The following RERE variants were observed in gnomAD, a reference collection of about 807,000 sequenced individuals.
The protein encoded by RERE is arginine-glutamic acid dipeptide repeats, also known as arginine-glutamic acid dipeptide repeats protein.
In RERE, 40 loss-of-function variants were observed where a neutral mutation model predicts 146.1. The observed-to-expected ratio is 0.27, with a 90% CI of 0.21 to 0.36. The LOEUF is 0.36. Among genes scored for constraint, RERE ranks in the 10% least tolerant of loss-of-function variants. The pLI, the probability that RERE is intolerant of heterozygous loss-of-function variation, is 1.00. For synonymous variants in RERE, 1,003 were observed against 866.0 expected (o/e 1.16, Z -2.78); for missense variants, 1,933 against 2,138.7 (o/e 0.90, Z 1.90).
At chr1:8,510,446 T>C (rs1222798210) in intron 7 of RERE, among the ~76,000 whole-genome samples, 1 of 152,184 alleles carries the variant, frequency 6.6e-6, no homozygotes, top group East Asian at 1.9e-4. Flanking sequence ...GTCATCTTCA[T>C]TTCTTCATTA....
intron 7 of RERE, among the ~76,000 whole-genome samples, chr1:8,531,775 G>A (rs1645657592): frequency 6.6e-6 from 1 of 152,150 alleles, no homozygotes; most frequent in South Asian, 2.1e-4. Context: ...TTATTACAGA[G>A]CGTTGAATTT....
intron 11 of RERE, among the ~76,000 whole-genome samples, chr1:8,456,002 T>C (rs1644448886): frequency 6.6e-6 from 1 of 152,110 alleles, no homozygotes; most frequent in South Asian, 2.1e-4. Flanking sequence ...GGCCCAGCAT[T>C]CTAGTTAGTC....
Position 8,352,593 on chromosome 1 carries a change from C to A in RERE, c.*2494G>T, listed in dbSNP as rs1014358581. On this transcript the variant is annotated 3_prime_UTR_variant, in exon 23 of 23. Coordinates refer to ENST00000400908, the MANE Select transcript of RERE (RefSeq NM_001042681.2). ...GAAACGTAGCAAATCCGAGTGTGCA[C>A]GCTGCCTCTGCCGCAGTGGAGTGAA... The A allele has an allele frequency of 6.6e-6, 1 of 152,340 alleles. No homozygotes were observed. The highest frequency in any genetic ancestry group is 2.4e-5 in the African/African-American group (1 of 41,422). The allele number at this position is 152,340 out of a possible 1,614,324, so 9.4% of individuals were successfully genotyped here.
intron 1 of RERE, among the ~76,000 whole-genome samples, chr1:8,713,995 A>C (rs1639717390): frequency 6.6e-6 from 1 of 152,200 alleles, no homozygotes; most frequent in Non-Finnish European, 1.5e-5. Flanking sequence ...TACACATAGC[A>C]CATGAATTTA....
intron 1 of RERE, among the ~76,000 whole-genome samples, chr1:8,760,896 T>G (rs1640745020): frequency 6.6e-6 from 1 of 152,178 alleles, no homozygotes; most frequent in South Asian, 2.1e-4. Context: ...ATGTTCCATG[T>G]GCCAGGCTAA....
At chr1:8,761,810 T>G (rs1640761308) in intron 1 of RERE, among the ~76,000 whole-genome samples, 1 of 151,978 alleles carries the variant, frequency 6.6e-6, no homozygotes, top group African/African-American at 2.4e-5. Context: ...TAATCCCAGC[T>G]ACTCGGAAGG....
At chr1:8,524,537 G>A (rs373047309) in intron 7 of RERE, among the ~76,000 whole-genome samples, 5 of 152,110 alleles carry the variant, frequency 3.3e-5, no homozygotes. Flanking sequence ...TCCTATGAGG[G>A]TTTTTCAGTT....
intron 2 of RERE, among the ~76,000 whole-genome samples, chr1:8,629,043 C>T (rs1191754707): frequency 6.6e-6 from 1 of 152,146 alleles, no homozygotes; most frequent in Non-Finnish European, 1.5e-5. Context: ...TGTAAAAACA[C>T]GTATTTACCA....
chr1:8,596,709 C>G (rs1409964321), intron 4 of RERE, among the ~76,000 whole-genome samples: 1 of 139,982 alleles, frequency 7.1e-6, no homozygotes, highest in Non-Finnish European at 1.5e-5. Context: ...CAAGGTCTTG[C>G]TAAGTTGCCA....
intron 3 of RERE, among the ~76,000 whole-genome samples, chr1:8,622,469 T>C (rs1415908048): frequency 1.7e-4 from 22 of 129,630 alleles, no homozygotes; most frequent in Non-Finnish European, 2.6e-4. Context: ...ATTTCAGGTG[T>C]CAGTGCTGTA....
chr1:8,547,405 T>G (rs1189064153), intron 6 of RERE, among the ~76,000 whole-genome samples: 1 of 152,026 alleles, frequency 6.6e-6, no homozygotes, highest in Non-Finnish European at 1.5e-5. Flanking sequence ...AATAAAAGAC[T>G]GATAAATTTG....
chr1:8,539,672 G>T (rs993481186), intron 7 of RERE, among the ~76,000 whole-genome samples: 2 of 152,122 alleles, frequency 1.3e-5, no homozygotes, highest in African/African-American at 4.8e-5. Context: ...CAAAGTGCTG[G>T]GATTACAGGC....
At position 8,387,069 on chromosome 1, in the gene RERE, C is replaced by T. The variant is rs959484918; in HGVS notation, c.1285-21095G>A. ...TGAAAAACAAGAAAAAGGTAGGGGACCTGCTAAGTCAACTATCAACAATTA... is the reference window on the plus strand; with the variant it reads ...TGAAAAACAAGAAAAAGGTAGGGGATCTGCTAAGTCAACTATCAACAATTA... On this transcript the variant is annotated intron_variant, in intron 12 of 22. Transcript: ENST00000400908. Among the ~76,000 whole-genome samples the T allele has an allele frequency of 7.2e-5, 11 of 152,258 alleles. No individual in the cohort carries two copies. The East Asian group carries it at 7.7e-4, about 11-fold the overall frequency.
In RERE at chr1:8,360,632, T is replaced by C. The variant is rs751542034; in HGVS notation, c.2875A>G (p.Met959Val). 9 of 1,487,356 alleles carry C rather than the reference T, an allele frequency of 6.1e-6. No individual in the cohort carries two copies. The highest frequency in any genetic ancestry group is 8.0e-6 in the Non-Finnish European group (9 of 1,124,546). The allele number at this position is 1,487,356 out of a possible 1,614,324, so 92.1% of individuals were successfully genotyped here. A position where few individuals can be genotyped will look rare whatever the true frequency, so the allele number is the denominator to read the frequency against. The change falls in exon 18 of 23, where the codon ATG becomes GTG. Residue 959 changes from methionine (M) to valine (V), a missense_variant. Around this residue, in one of 11 missense-constraint regions of RERE, gnomAD observed 1,255 missense variants for 1,153.8 expected, o/e 1.09. Transcript: ENST00000400908. The part of the protein sequence containing the change: ...PHLSGPSPFS[M>V]NANLPPPPAL... Reference sequence around the variant, plus strand: ...GGAGGGGGAGGCAGGTTGGCATTCATGGAGAAGGGTGAGGGCCCCGAGAGG... The same window carrying C: ...GGAGGGGGAGGCAGGTTGGCATTCACGGAGAAGGGTGAGGGCCCCGAGAGG...
At chr1:8,624,429 A>G (rs1646950967) in intron 2 of RERE, 49 bp from the exon 3 acceptor site, 3 of 1,213,224 alleles carry the variant, frequency 2.5e-6, no homozygotes, top group Non-Finnish European at 3.7e-6. Context: ...CCTTTAAGGA[A>G]CAAAGACAGG....
intron 7 of RERE, among the ~76,000 whole-genome samples, chr1:8,538,058 C>T (rs1409543464): frequency 6.6e-6 from 1 of 152,204 alleles, no homozygotes; most frequent in Admixed American, 6.5e-5. Context: ...CTTTCAACTG[C>T]TCACTTAAAG....
intron 8 of RERE, among the ~76,000 whole-genome samples, chr1:8,500,688 G>A (rs989699702): frequency 2.0e-5 from 3 of 151,796 alleles, no homozygotes; most frequent in African/African-American, 7.3e-5. Flanking sequence ...GGGATATGAG[G>A]AGCCTCTCTG....
At chr1:8,668,950 GTGTGTGTGTGTGT>G (rs1638643014) in intron 1 of RERE, among the ~76,000 whole-genome samples, 1 of 54,508 alleles carries the variant, frequency 1.8e-5, no homozygotes, top group African/African-American at 7.3e-5. Context: ...GTGTGTGTGT[GTGTGTGTGTGTGT>G]TGTGTTTTTA....
chr1:8,462,108 A>G (rs140957317), intron 11 of RERE, among the ~76,000 whole-genome samples: 85 of 152,298 alleles, frequency 5.6e-4, no homozygotes, highest in African/African-American at 1.7e-3. Flanking sequence ...GAGGCATGTA[A>G]AAGTTTTTCT....
Sources: allele counts gnomAD v4.1 joint callset (sites outside exome capture counted in the v4.1 genomes callset), GRCh38; gene constraint gnomAD v4.1.1; regional missense constraint gnomAD v4.1.1; transcripts MANE v1.5; gene names NCBI Gene and HGNC (gene_info 2026-07-23, HGNC 2026-07-21).